CTDP1: variants seen among roughly 807,000 people sequenced by gnomAD.
The protein encoded by CTDP1 is RNA polymerase II subunit A C-terminal domain phosphatase.
In CTDP1, 47 loss-of-function variants were observed where a neutral mutation model predicts 91.8. The ratio of observed to expected loss-of-function variants is 0.51; its 90% CI spans 0.41 to 0.65. The LOEUF is 0.65. Ranked by LOEUF, CTDP1 falls within the 30% of genes least tolerant of loss-of-function variation. The probability of loss-of-function intolerance (pLI) is 0.00; values close to 1 mark genes in which losing one functional copy is unlikely to be tolerated. For missense variants in CTDP1, 1,272 were observed against 1,373.7 expected (o/e 0.93, Z 1.17); for synonymous variants, 656 against 598.5 (o/e 1.10, Z -1.40).
intron 8 of CTDP1, among the ~76,000 whole-genome samples, chr18:79,716,673 G>T (rs1022260614): frequency 6.6e-6 from 1 of 152,182 alleles, no homozygotes; most frequent in African/African-American, 2.4e-5. Flanking sequence ...GCCAGGCCAG[G>T]GTCCTCCTTG....
intron 1 of CTDP1, among the ~76,000 whole-genome samples, chr18:79,685,860 A>G (rs1189927080): frequency 6.6e-6 from 1 of 152,224 alleles, no homozygotes; most frequent in Non-Finnish European, 1.5e-5. Context: ...CTTTTAGAAT[A>G]GTTTTATTAT....
At chr18:79,681,635 G>A in intron 1 of CTDP1, 1 of 246,740 alleles carries the variant, frequency 4.1e-6, no homozygotes, top group Middle Eastern at 2.0e-3. Flanking sequence ...GCTTGATGAC[G>A]GGTTCCCAGC....
At chr18:79,690,253 T>C (rs750462571) in intron 1 of CTDP1, among the ~76,000 whole-genome samples, 4 of 152,178 alleles carry the variant, frequency 2.6e-5, no homozygotes, top group Admixed American at 6.5e-5. Context: ...GATGTACCCA[T>C]GCCCTCGGAC....
chr18:79,710,460 A>C, intron 6 of CTDP1, 24 bp downstream of exon 6: 2 of 1,494,782 alleles, frequency 1.3e-6, no homozygotes, highest in Non-Finnish European at 1.9e-6. Flanking sequence ...CGCGCTCCTC[A>C]CAAAGACCTC....
intron 5 of CTDP1, among the ~76,000 whole-genome samples, chr18:79,705,404 C>T (rs912126634): frequency 2.6e-5 from 4 of 152,152 alleles, no homozygotes; most frequent in Admixed American, 6.5e-5. Context: ...ACCAGCAGGA[C>T]GAATCGAGGG....
intron 1 of CTDP1, among the ~76,000 whole-genome samples, chr18:79,692,535 C>T (rs2085646492): frequency 6.6e-6 from 1 of 152,244 alleles, no homozygotes; most frequent in Non-Finnish European, 1.5e-5. Flanking sequence ...ACCCCAGATC[C>T]TTCTTCATGT....
chr18:79,690,967 G>A (rs778523663), intron 1 of CTDP1, among the ~76,000 whole-genome samples: 1 of 152,218 alleles, frequency 6.6e-6, no homozygotes, highest in Non-Finnish European at 1.5e-5. Flanking sequence ...TGCTGCCTGC[G>A]TGCACTGGGC....
chr18:79,695,074 G>A (rs2085719780), intron 1 of CTDP1, 151 bp from the exon 2 acceptor site: 4 of 723,550 alleles, frequency 5.5e-6, no homozygotes, highest in Admixed American at 2.2e-5. Flanking sequence ...ACAAAGAAAT[G>A]CCCTCAAGGG....
intron 10 of CTDP1, among the ~76,000 whole-genome samples, chr18:79,722,656 T>C (rs2086367655): frequency 6.6e-6 from 1 of 152,198 alleles, no homozygotes. Context: ...CCTTCACTTG[T>C]ACGTGTTGGA....
At chr18:79,716,384 C>G (rs574427178) in intron 8 of CTDP1, among the ~76,000 whole-genome samples, 259 of 152,326 alleles carry the variant, frequency 1.7e-3, no homozygotes, top group African/African-American at 6.1e-3. Flanking sequence ...CACGCATGTG[C>G]TCAGTAAAGC....
Position 79,715,811 on chromosome 18 carries a change from C to G in CTDP1, c.2068+283C>G, listed in dbSNP as rs369337365. Among the ~76,000 whole-genome samples, 64 of 152,264 alleles carry G rather than the reference C, an allele frequency of 4.2e-4. No homozygotes were observed. In the East Asian group the frequency reaches 9.7e-3, roughly 23 times the overall value. On this transcript the variant is annotated intron_variant, in intron 8 of 12. Coordinates refer to ENST00000613122, the MANE Select transcript of CTDP1 (RefSeq NM_004715.5). ...AGTAAGCCATGGCCGGGTTGGAAAA[C>G]AGGGAATCAGCGATAGGGACGTAGT... is the stretch of plus-strand genomic sequence containing the variant.
intron 12 of CTDP1, among the ~76,000 whole-genome samples, chr18:79,742,559 C>T (rs1349093793): frequency 6.6e-6 from 1 of 152,228 alleles, no homozygotes; most frequent in Non-Finnish European, 1.5e-5. Context: ...TCCACACAAA[C>T]AAGCAAGCAC....
upstream of CTDP1, chr18:79,678,006 C>T (rs2085274706): frequency 6.6e-6 from 1 of 152,168 alleles, no homozygotes; most frequent in African/African-American, 2.4e-5. Context: ...GCACGTTTTC[C>T]CTTGTAGTCA....
In CTDP1 at chr18:79,698,000, C is replaced by T; in HGVS notation, c.621+12C>T. 1 of 1,614,148 alleles carries T rather than the reference C, an allele frequency of 6.2e-7. No homozygotes were observed. The highest frequency in any genetic ancestry group is 8.5e-7 in the Non-Finnish European group (1 of 1,180,016). On this transcript the variant is annotated intron_variant, in intron 4 of 12. Transcript: ENST00000613122. ...AGATGTCGAATAAAGTGAGTGCAGT[C>T]AGCATCTACGGACAGTTTCCCAGGA...
chr18:79,735,126 G>A (rs2086639978), intron 11 of CTDP1, among the ~76,000 whole-genome samples: 1 of 152,066 alleles, frequency 6.6e-6, no homozygotes, highest in African/African-American at 2.4e-5. Context: ...GCTTCACACC[G>A]AGTCTCTGTG....
Position 79,710,369 on chromosome 18 carries a change from C to CT in CTDP1, c.802dup (p.Ser268PhefsTer9). On this transcript the variant is annotated frameshift_variant, in exon 6 of 13. Transcript: ENST00000613122. LOFTEE classifies it high-confidence loss of function. ...AGGCTTTTTAGACCCCGAGAAGAAG[C>CT]TTTTTTCTCACCGAATATTATCAAG... is the stretch of plus-strand genomic sequence containing the variant. 6.2e-7 allele frequency: 1 copy of CT among 1,613,878 alleles called. No homozygotes were observed. Among genetic ancestry groups the CT allele is most frequent in the Non-Finnish European group, 8.5e-7 (1 of 1,179,904 alleles).
rs184355994 is a variant in CTDP1, at chr18:79,712,836, C to T, written c.864-136C>T. On this transcript the variant is annotated intron_variant, in intron 6 of 12. Coordinates refer to ENST00000613122, the MANE Select transcript of CTDP1 (RefSeq NM_004715.5). ...GACCCAAACAGAAAGGGCTTCGGGG[C>T]GGTTGGTGTCCGTCTGATTAACCTG... 498 of 837,892 alleles carry T rather than the reference C, an allele frequency of 5.9e-4. 3 individuals carry two copies. The highest frequency in any genetic ancestry group is 4.8e-5 in the Non-Finnish European group (25 of 520,052). 51.9% of individuals were successfully genotyped at this position (837,892 alleles called of 1,614,324 possible). A position where few individuals can be genotyped will look rare whatever the true frequency, so the allele number is the denominator to read the frequency against.
chr18:79,679,169 A>G, upstream of CTDP1: 1 of 319,410 alleles, frequency 3.1e-6, no homozygotes, highest in Non-Finnish European at 6.2e-6. Flanking sequence ...CTTGCCCCAG[A>G]CGGGCCCACC....
chr18:79,703,511 A>G (rs968956501), intron 4 of CTDP1: 10 of 152,216 alleles, frequency 6.6e-5, no homozygotes, highest in African/African-American at 2.2e-4. Context: ...TTTATGTTGT[A>G]TATGTAGATG....
Sources: gnomAD v4.1 joint callset for allele counts (sites outside exome capture counted in the v4.1 genomes callset) on GRCh38, gnomAD v4.1.1 for gene constraint, MANE v1.5 for transcripts, NCBI Gene and HGNC (gene_info 2026-07-23, HGNC 2026-07-21) for gene names.